Variants in KLHL7 observed in about 807,000 individuals in gnomAD.
KLHL7 encodes kelch like family member 7.
Under a neutral mutation model 67.4 loss-of-function variants are expected in KLHL7, and 44 were observed. The observed-to-expected ratio is 0.65, with a 90% CI of 0.51 to 0.84. The LOEUF (loss-of-function observed/expected upper bound fraction) is 0.84, where lower values mean the gene tolerates loss of function less well. Ranked by LOEUF, KLHL7 falls within the 40% of genes least tolerant of loss-of-function variation. The pLI is 0.00. For synonymous variants in KLHL7, 252 were observed against 243.3 expected (o/e 1.04, Z -0.33); for missense variants, 362 against 718.1 (o/e 0.50, Z 5.67).
chr7:23,138,372 A>T (rs1037412270), intron 4 of KLHL7, among the ~76,000 whole-genome samples: 3 of 140,146 alleles, frequency 2.1e-5, no homozygotes, highest in African/African-American at 5.3e-5. Flanking sequence ...TGAGGTAGGG[A>T]ATTACTTGAA....
At position 23,170,395 on chromosome 7, in the gene KLHL7, G is replaced by A. The variant is rs1437589361; in HGVS notation, c.1379+2358G>A. On this transcript the variant is annotated intron_variant, in intron 9 of 10. Transcript: ENST00000339077. ...AATAACACATGTTGTCACTCATGTG[G>A]GAGCTAAAAATGTTGATCTCATGGA... Among the ~76,000 whole-genome samples, 3 of 152,088 alleles carry A rather than the reference G, an allele frequency of 2.0e-5. No individual in the cohort carries two copies. The East Asian group carries it at 5.8e-4, about 29-fold the overall frequency.
chr7:23,120,997 C>T (rs1783312475), intron 1 of KLHL7, among the ~76,000 whole-genome samples: 1 of 152,190 alleles, frequency 6.6e-6, no homozygotes, highest in Admixed American at 6.5e-5. Flanking sequence ...CTTCCCTCTA[C>T]CCTTTCCAGC....
intron 1 of KLHL7, among the ~76,000 whole-genome samples, chr7:23,115,616 T>C (rs1202943177): frequency 1.3e-5 from 2 of 152,004 alleles, no homozygotes; most frequent in Admixed American, 6.6e-5. Flanking sequence ...TGATCTCGGC[T>C]CCCTGCAACC....
At chr7:23,138,755 C>T (rs1204923098) in intron 4 of KLHL7, among the ~76,000 whole-genome samples, 2 of 151,932 alleles carry the variant, frequency 1.3e-5, no homozygotes, top group Non-Finnish European at 2.9e-5. Context: ...CCAGGCTGGT[C>T]TCAAACTCCT....
intron 1 of KLHL7, among the ~76,000 whole-genome samples, chr7:23,108,884 T>C (rs1167606605): frequency 6.6e-6 from 1 of 152,264 alleles, no homozygotes; most frequent in African/African-American, 2.4e-5. Flanking sequence ...TTGTGGTATA[T>C]AGTATCCCAT....
At chr7:23,111,795 C>T (rs1399596030) in intron 1 of KLHL7, among the ~76,000 whole-genome samples, 2 of 128,424 alleles carry the variant, frequency 1.6e-5, no homozygotes, top group Admixed American at 1.9e-4. Context: ...GCACTCCAGC[C>T]TGGAGACAGA....
chr7:23,161,720 G>A (rs75969981), intron 7 of KLHL7, among the ~76,000 whole-genome samples: 278 of 152,264 alleles, frequency 1.8e-3, no homozygotes, highest in African/African-American at 6.4e-3. Flanking sequence ...AGATAGTGCT[G>A]CAATGAAGAA....
intron 6 of KLHL7, 35 bp downstream of exon 6, chr7:23,144,060 A>C: frequency 1.3e-6 from 2 of 1,563,408 alleles, no homozygotes; most frequent in Admixed American, 1.7e-5. Flanking sequence ...TAACCTGATC[A>C]TGTAGCCAGT....
intron 7 of KLHL7, among the ~76,000 whole-genome samples, chr7:23,154,114 G>A (rs1784624378): frequency 6.6e-6 from 1 of 152,232 alleles, no homozygotes; most frequent in Non-Finnish European, 1.5e-5. Flanking sequence ...TGCACTTTGG[G>A]AGTCCAAGGT....
At position 23,175,159 on chromosome 7, in the gene KLHL7, T is replaced by G. The variant is rs1453467781; in HGVS notation, c.*861T>G. ...ATATCAGTGTTGACTTTGAACTTCT[T>G]TAACGAGATCATGAATTCTTTTCCC... On this transcript the variant is annotated 3_prime_UTR_variant, in exon 11 of 11. Coordinates refer to ENST00000339077, the MANE Select transcript of KLHL7 (RefSeq NM_001031710.3). 2.2e-6 allele frequency: 1 copy of G among 453,964 alleles called. No individual in the cohort carries two copies. The highest frequency in any genetic ancestry group is 2.0e-5 in the African/African-American group (1 of 50,004). The allele number at this position is 453,964 out of a possible 1,614,324, so 28.1% of individuals were successfully genotyped here. A position where few individuals can be genotyped will look rare whatever the true frequency, so the allele number is the denominator to read the frequency against.
chr7:23,140,508 G>T, intron 4 of KLHL7: 2 of 445,414 alleles, frequency 4.5e-6, no homozygotes, highest in Non-Finnish European at 8.3e-6. Context: ...AGTGAGCCGA[G>T]ATCGCGCCAC....
At chr7:23,127,046 T>G (rs934795536) in intron 4 of KLHL7, among the ~76,000 whole-genome samples, 3 of 152,156 alleles carry the variant, frequency 2.0e-5, no homozygotes, top group Non-Finnish European at 4.4e-5. Context: ...AGACTTAAGG[T>G]TACTTCCATT....
intron 1 of KLHL7, chr7:23,117,913 G>A (rs754107845): frequency 1.2e-6 from 2 of 1,614,022 alleles, no homozygotes; most frequent in South Asian, 2.2e-5. Flanking sequence ...TTGATATCAT[G>A]CTGGGAGGGA....
intron 6 of KLHL7, among the ~76,000 whole-genome samples, chr7:23,151,678 G>A: frequency 6.6e-6 from 1 of 152,158 alleles, no homozygotes; most frequent in East Asian, 1.9e-4. Context: ...TTAGTCTGTG[G>A]TAGGTCCCAG....
intron 6 of KLHL7, among the ~76,000 whole-genome samples, chr7:23,151,610 A>G (rs1784539284): frequency 6.6e-6 from 1 of 152,226 alleles, no homozygotes; most frequent in Admixed American, 6.5e-5. Context: ...AAGTGGCAAG[A>G]TTTAAGAAGC....
At chr7:23,151,240 G>A (rs1489291189) in intron 6 of KLHL7, among the ~76,000 whole-genome samples, 1 of 149,290 alleles carries the variant, frequency 6.7e-6, no homozygotes, top group Non-Finnish European at 1.5e-5. Context: ...ATTTGAAATT[G>A]AGAGTGAAAT....
At chr7:23,109,154 C>T (rs1782763492) in intron 1 of KLHL7, among the ~76,000 whole-genome samples, 1 of 151,990 alleles carries the variant, frequency 6.6e-6, no homozygotes. Context: ...ACGCTTCTGC[C>T]AGTTGTGTGT....
chr7:23,128,143 A>AC (rs1783651397), intron 4 of KLHL7, among the ~76,000 whole-genome samples: 1 of 151,802 alleles, frequency 6.6e-6, no homozygotes, highest in South Asian at 2.1e-4. Flanking sequence ...AAGAAAAAAA[A>AC]AAAAAGCAAA....
intron 1 of KLHL7, among the ~76,000 whole-genome samples, chr7:23,117,081 C>CTTTTTTTTTG (rs1783118338): frequency 1.5e-5 from 1 of 68,216 alleles, no homozygotes; most frequent in Non-Finnish European, 2.8e-5. Flanking sequence ...AGAGCCAGGC[C>CTTTTTTTTTG]TTTTTTTTTT....
Sources: allele counts gnomAD v4.1 joint callset (sites outside exome capture counted in the v4.1 genomes callset), GRCh38; gene constraint gnomAD v4.1.1; transcripts MANE v1.5; gene names NCBI Gene and HGNC (gene_info 2026-07-23, HGNC 2026-07-21).